ST18: variants seen among roughly 807,000 people sequenced by gnomAD.
ST18 encodes ST18 C2H2C-type zinc finger transcription factor.
In ST18, 50 loss-of-function variants were observed where a neutral mutation model predicts 110.0. That is an observed-to-expected ratio of 0.45 (90% confidence interval 0.36 to 0.58). ST18 has a LOEUF of 0.58. Ranked by LOEUF, ST18 falls within the 20% of genes least tolerant of loss-of-function variation. The pLI is 0.00. For missense variants in ST18, 1,306 were observed against 1,280.1 expected (o/e 1.02, Z -0.31); for synonymous variants, 461 against 452.4 (o/e 1.02, Z -0.24).
At chr8:52,311,332 G>A (rs746587999) in intron 2 of ST18, among the ~76,000 whole-genome samples, 1 of 152,134 alleles carries the variant, frequency 6.6e-6, no homozygotes, top group Non-Finnish European at 1.5e-5. Flanking sequence ...TAATGTTGCT[G>A]CAACCTAAAG....
rs957486841 is a variant in ST18 at position 52,134,778 on chromosome 8, G to A, written c.2301-1477C>T. ...TCTATTAACATTTTTTAGTAAAAAA[G>A]TGGTTTTATAGCATATTGATTGGAA... is the stretch of plus-strand genomic sequence containing the variant. On this transcript the variant is annotated intron_variant, in intron 19 of 25. Transcript: ENST00000689386. Among the ~76,000 whole-genome samples, 61 of 152,246 alleles carry A rather than the reference G, an allele frequency of 4.0e-4. 1 individual carries two copies. The highest frequency in any genetic ancestry group is 1.5e-3 in the African/African-American group (61 of 41,538).
intron 2 of ST18, among the ~76,000 whole-genome samples, chr8:52,372,486 G>A (rs952492218): frequency 1.3e-5 from 2 of 152,200 alleles, no homozygotes; most frequent in African/African-American, 2.4e-5. Context: ...GCAGTGCACA[G>A]GAATGTGCTA....
At chr8:52,247,478 T>A (rs1352701860) in intron 2 of ST18, among the ~76,000 whole-genome samples, 1 of 152,158 alleles carries the variant, frequency 6.6e-6, no homozygotes, top group Non-Finnish European at 1.5e-5. Context: ...CTAAACGAAC[T>A]TCAGTCAAGT....
At chr8:52,321,142 T>C (rs1312700721) in intron 2 of ST18, among the ~76,000 whole-genome samples, 1 of 152,188 alleles carries the variant, frequency 6.6e-6, no homozygotes, top group Non-Finnish European at 1.5e-5. Context: ...TATGCCTATA[T>C]GCATGTGTGC....
At chr8:52,217,503 C>G (rs549841035) in intron 6 of ST18, among the ~76,000 whole-genome samples, 1 of 152,052 alleles carries the variant, frequency 6.6e-6, no homozygotes, top group Non-Finnish European at 1.5e-5. Context: ...AAAAAAACTT[C>G]GAAAAGGGCT....
intron 6 of ST18, among the ~76,000 whole-genome samples, chr8:52,215,499 G>A (rs186229101): frequency 2.4e-4 from 37 of 152,206 alleles, no homozygotes; most frequent in African/African-American, 3.9e-4. Flanking sequence ...GACAGCTCTC[G>A]TAAGCTAAAA....
chr8:52,114,988 C>T (rs140012245), intron 25 of ST18, among the ~76,000 whole-genome samples: 11 of 152,272 alleles, frequency 7.2e-5, no homozygotes, highest in East Asian at 1.9e-4. Flanking sequence ...GTATGATTTA[C>T]GCAACATTCA....
chr8:52,376,512 G>C (rs1257694044), intron 2 of ST18, among the ~76,000 whole-genome samples: 2 of 151,964 alleles, frequency 1.3e-5, no homozygotes, highest in Non-Finnish European at 2.9e-5. Flanking sequence ...TCACCCCCAG[G>C]GTTCTTGGAT....
Position 52,341,301 on chromosome 8 carries a change from G to A in ST18, c.-465+68027C>T, listed in dbSNP as rs555738515. Among the ~76,000 whole-genome samples, 6 of 152,318 alleles carry A rather than the reference G, an allele frequency of 3.9e-5. No homozygotes were observed. In the South Asian group the frequency reaches 8.3e-4, roughly 21 times the overall value. ...CACCTGGCTTCCATCAGGATGATAC[G>A]GTTGACTTTGAGTTGAAATACATGC... On this transcript the variant is annotated intron_variant, in intron 2 of 25. Transcript: ENST00000689386.
At position 52,173,926 on chromosome 8, in the gene ST18, T is replaced by C. The variant is rs988829648; in HGVS notation, c.278-1343A>G. 1.1e-4 allele frequency among the ~76,000 whole-genome samples: 16 copies of C among 152,216 alleles called. 1 individual carries two copies. The highest frequency in any genetic ancestry group is 3.4e-4 in the African/African-American group (14 of 41,446). Reference sequence around the variant, plus strand: ...TTTAATTTTTTATAAACATTGTCTCTGACAAGGACACTCAAAAATACATCT... The same window carrying C: ...TTTAATTTTTTATAAACATTGTCTCCGACAAGGACACTCAAAAATACATCT... On this transcript the variant is annotated intron_variant, in intron 9 of 25. Transcript: ENST00000689386.
At chr8:52,224,731 A>G (rs770428673) in intron 3 of ST18, among the ~76,000 whole-genome samples, 1 of 152,246 alleles carries the variant, frequency 6.6e-6, no homozygotes, top group East Asian at 1.9e-4. Flanking sequence ...TGATATTAGC[A>G]AACAGACTAC....
rs2052837493 is a variant in ST18 at position 52,137,302 on chromosome 8, C to T, written c.2231+119G>A. ...TTTATTTCTGAAAAAGAAAATAAAC[C>T]AAAAACCCAACCAACTCATTTCCTG... On this transcript the variant is annotated intron_variant, in intron 18 of 25. Coordinates refer to ENST00000689386, the MANE Select transcript of ST18 (RefSeq NM_001352837.2). The T allele has an allele frequency of 2.1e-5, 22 of 1,072,298 alleles. No individual in the cohort carries two copies. In the East Asian group the frequency reaches 5.8e-4, roughly 28 times the overall value. The allele number at this position is 1,072,298 out of a possible 1,614,324, so 66.4% of individuals were successfully genotyped here. A position where few individuals can be genotyped will look rare whatever the true frequency, so the allele number is the denominator to read the frequency against.
intron 2 of ST18, among the ~76,000 whole-genome samples, chr8:52,341,604 G>T (rs1031172275): frequency 1.5e-4 from 23 of 152,212 alleles, no homozygotes; most frequent in African/African-American, 5.5e-4. Flanking sequence ...ACCAATGTTA[G>T]AATTTATATC....
chr8:52,230,524 C>T (rs2136905228), intron 2 of ST18, among the ~76,000 whole-genome samples: 1 of 152,274 alleles, frequency 6.6e-6, no homozygotes, highest in East Asian at 1.9e-4. Flanking sequence ...CCTTTCACTG[C>T]TCTCTACTAA....
chr8:52,166,822 CAGA>C (rs1471266878), intron 11 of ST18, 27 bp downstream of exon 11: 1 of 1,522,214 alleles, frequency 6.6e-7, no homozygotes, highest in South Asian at 1.3e-5. Flanking sequence ...CGTGCATAAG[CAGA>C]AGCTTTGAGG....
At chr8:52,321,485 A>G (rs1803877329) in intron 2 of ST18, among the ~76,000 whole-genome samples, 1 of 152,208 alleles carries the variant, frequency 6.6e-6, no homozygotes, top group Non-Finnish European at 1.5e-5. Context: ...TAATCAAGAC[A>G]ATGGCCACCA....
intron 2 of ST18, among the ~76,000 whole-genome samples, chr8:52,389,638 C>T (rs1229280191): frequency 6.6e-6 from 1 of 152,148 alleles, no homozygotes; most frequent in Non-Finnish European, 1.5e-5. Flanking sequence ...ATCTGCTGGG[C>T]CCCAGAGAGC....
chr8:52,138,749 C>T lies in ST18; in HGVS notation c.2169-1266G>A, dbSNP rs147665108. ...ACCCCAGCCTACTCAGTGTTATTTG[C>T]GGTGGTGTCAGTTATTAGAGGGGAA... On this transcript the variant is annotated intron_variant, in intron 17 of 25. Transcript: ENST00000689386. 1.4e-3 allele frequency among the ~76,000 whole-genome samples: 220 copies of T among 152,214 alleles called. 3 individuals are homozygous for T. The highest frequency in any genetic ancestry group is 5.0e-3 in the African/African-American group (208 of 41,540).
chr8:52,193,136 C>T (rs929247686), intron 8 of ST18, among the ~76,000 whole-genome samples: 8 of 152,154 alleles, frequency 5.3e-5, no homozygotes, highest in African/African-American at 1.9e-4. Context: ...ACCAAGTAAA[C>T]TGTCTAGATC....
Sources: allele counts gnomAD v4.1 joint callset (sites outside exome capture counted in the v4.1 genomes callset), GRCh38; gene constraint gnomAD v4.1.1; transcripts MANE v1.5; gene names NCBI Gene and HGNC (gene_info 2026-07-23, HGNC 2026-07-21).